The following ZNRF2 variants were observed in gnomAD, a reference collection of about 807,000 sequenced individuals.
ZNRF2 encodes the protein zinc and ring finger 2.
In ZNRF2, 16 loss-of-function variants were observed where a neutral mutation model predicts 20.4. The observed-to-expected ratio is 0.79, with a 90% CI of 0.53 to 1.19. The LOEUF is 1.19. ZNRF2 is among the 50% of genes most tolerant of loss of function. The probability of loss-of-function intolerance (pLI) is 0.00; values close to 1 mark genes in which losing one functional copy is unlikely to be tolerated. For synonymous variants in ZNRF2, 178 were observed against 144.9 expected (o/e 1.23, Z -1.64); for missense variants, 363 against 332.4 (o/e 1.09, Z -0.72).
intron 2 of ZNRF2, among the ~76,000 whole-genome samples, chr7:30,353,420 A>G (rs557625352): frequency 6.6e-6 from 1 of 152,182 alleles, no homozygotes; most frequent in East Asian, 1.9e-4. Context: ...TTTTATTGCT[A>G]GGGTTTAAGG....
At chr7:30,301,720 A>C (rs549753354) in intron 1 of ZNRF2, among the ~76,000 whole-genome samples, 3,881 of 151,428 alleles carry the variant, frequency 0.026, 96 homozygotes, top group African/African-American at 0.061. Flanking sequence ...AAAAAAAAAA[A>C]AAACTTATCT....
chr7:30,346,919 A>T (rs918975863), intron 2 of ZNRF2, among the ~76,000 whole-genome samples: 3 of 152,028 alleles, frequency 2.0e-5, no homozygotes, highest in East Asian at 1.9e-4. Flanking sequence ...TACTTACATG[A>T]TATTTATTCT....
chr7:30,341,615 T>A (rs984866661), intron 2 of ZNRF2, among the ~76,000 whole-genome samples: 2 of 152,186 alleles, frequency 1.3e-5, no homozygotes, highest in African/African-American at 4.8e-5. Context: ...TCTTTTGCAT[T>A]TGCTGAGGAG....
chr7:30,348,047 A>T (rs1231717097), intron 2 of ZNRF2, among the ~76,000 whole-genome samples: 1 of 152,094 alleles, frequency 6.6e-6, no homozygotes, highest in East Asian at 1.9e-4. Flanking sequence ...TTAATACTTC[A>T]CCCACATATA....
intron 1 of ZNRF2, among the ~76,000 whole-genome samples, chr7:30,319,974 T>C (rs1247084615): frequency 6.6e-6 from 1 of 152,204 alleles, no homozygotes; most frequent in Non-Finnish European, 1.5e-5. Context: ...ATAATTCCTA[T>C]AGTTGTTTAC....
At chr7:30,363,690 A>T (rs924977660) in intron 4 of ZNRF2, among the ~76,000 whole-genome samples, 1 of 151,992 alleles carries the variant, frequency 6.6e-6, no homozygotes, top group Admixed American at 6.5e-5. Context: ...TAAGTTTTTC[A>T]TGGTTCTGCA....
At chr7:30,323,758 T>C in intron 2 of ZNRF2, 21 bp downstream of exon 2, 4 of 1,385,880 alleles carry the variant, frequency 2.9e-6, no homozygotes, top group Non-Finnish European at 3.9e-6. Flanking sequence ...TGGTTTAAAA[T>C]AATATTTTAA....
intron 1 of ZNRF2, among the ~76,000 whole-genome samples, chr7:30,294,880 T>A (rs1211541768): frequency 6.6e-6 from 1 of 151,848 alleles, no homozygotes; most frequent in Non-Finnish European, 1.5e-5. Context: ...GTGGAAAAAC[T>A]GTATATTGTT....
chr7:30,329,542 G>A (rs1185178353), intron 2 of ZNRF2, among the ~76,000 whole-genome samples: 1 of 152,106 alleles, frequency 6.6e-6, no homozygotes, highest in Non-Finnish European at 1.5e-5. Flanking sequence ...CACATAATGA[G>A]TGAAAATATG....
intron 2 of ZNRF2, among the ~76,000 whole-genome samples, chr7:30,336,344 A>G (rs999691435): frequency 2.6e-5 from 4 of 152,054 alleles, no homozygotes; most frequent in Non-Finnish European, 5.9e-5. Flanking sequence ...GTAGTTTGGT[A>G]TCTTCTCAGC....
intron 1 of ZNRF2, among the ~76,000 whole-genome samples, chr7:30,320,625 G>A (rs959094206): frequency 1.3e-5 from 2 of 152,056 alleles, no homozygotes; most frequent in African/African-American, 2.4e-5. Context: ...TATTGAATAC[G>A]GTATTGAAAG....
intron 1 of ZNRF2, among the ~76,000 whole-genome samples, chr7:30,296,941 T>C (rs1381682169): frequency 4.6e-5 from 7 of 152,222 alleles, no homozygotes; most frequent in Non-Finnish European, 1.0e-4. Flanking sequence ...TTAGCTGTTA[T>C]CTGGAGATGA....
intron 2 of ZNRF2, among the ~76,000 whole-genome samples, chr7:30,338,206 A>C (rs891207332): frequency 1.3e-5 from 2 of 151,850 alleles, no homozygotes; most frequent in Non-Finnish European, 2.9e-5. Flanking sequence ...CTTCCTTATT[A>C]ATCAGGGATT....
chr7:30,315,740 G>T (rs1799362291), intron 1 of ZNRF2, among the ~76,000 whole-genome samples: 7 of 66,034 alleles, frequency 1.1e-4, no homozygotes, highest in Admixed American at 2.3e-4. Context: ...GGGGGGGGGG[G>T]TTGGGTATAA....
intron 1 of ZNRF2, among the ~76,000 whole-genome samples, chr7:30,322,032 A>G (rs897834635): frequency 1.3e-5 from 2 of 152,118 alleles, no homozygotes; most frequent in African/African-American, 2.4e-5. Flanking sequence ...AACTGCAAAA[A>G]ATCTCATAAT....
chr7:30,300,523 T>G (rs1233327285), intron 1 of ZNRF2, among the ~76,000 whole-genome samples: 1 of 152,260 alleles, frequency 6.6e-6, no homozygotes, highest in Non-Finnish European at 1.5e-5. Context: ...AAGATAGACT[T>G]AATTAGAATC....
chr7:30,358,752 G>A (rs1800077841), intron 3 of ZNRF2, among the ~76,000 whole-genome samples: 1 of 152,216 alleles, frequency 6.6e-6, no homozygotes, highest in Non-Finnish European at 1.5e-5. Flanking sequence ...CCTATCTGGA[G>A]AGACAGCATA....
intron 2 of ZNRF2, among the ~76,000 whole-genome samples, chr7:30,332,465 A>C (rs1239578917): frequency 6.6e-6 from 1 of 152,170 alleles, no homozygotes; most frequent in Non-Finnish European, 1.5e-5. Flanking sequence ...TAGTAAACCC[A>C]TTCCCCAAGT....
At chr7:30,286,550 A>C (rs1402553972) in intron 1 of ZNRF2, among the ~76,000 whole-genome samples, 2 of 152,218 alleles carry the variant, frequency 1.3e-5, no homozygotes, top group South Asian at 2.1e-4. Context: ...AGCAGTGTTG[A>C]CTAGAGTTAA....
Sources: allele counts gnomAD v4.1 joint callset (sites outside exome capture counted in the v4.1 genomes callset), GRCh38; gene constraint gnomAD v4.1.1; transcripts MANE v1.5; gene names NCBI Gene and HGNC (gene_info 2026-07-23, HGNC 2026-07-21).